Variants in HEATR1 observed in about 807,000 individuals in gnomAD.
HEATR1 encodes HEAT repeat containing 1.
In HEATR1, 77 loss-of-function variants were observed where a neutral mutation model predicts 248.2. The observed-to-expected ratio is 0.31, with a 90% confidence interval of 0.26 to 0.37. The LOEUF (loss-of-function observed/expected upper bound fraction) is 0.37. Ranked by LOEUF, HEATR1 falls within the 10% of genes least tolerant of loss-of-function variation. The probability of loss-of-function intolerance (pLI) is 1.00; values close to 1 mark genes in which losing one functional copy is unlikely to be tolerated. For missense variants in HEATR1, 2,420 were observed against 2,504.9 expected (o/e 0.97, Z 0.72); for synonymous variants, 897 against 923.1 (o/e 0.97, Z 0.51).
intron 7 of HEATR1, 35 bp downstream of exon 7, chr1:236,595,783 AATTTTATTCACCTCT>A: frequency 6.5e-7 from 1 of 1,533,436 alleles, no homozygotes; most frequent in African/African-American, 1.4e-5. Flanking sequence ...TATTCAAAAT[AATTTTATTCACCTCT>A]GACTAGCACC....
At chr1:236,579,876 C>G (rs679458) in intron 20 of HEATR1, among the ~76,000 whole-genome samples, 1 of 151,350 alleles carries the variant, frequency 6.6e-6, no homozygotes, top group African/African-American at 2.4e-5. Context: ...GAAAAGTATA[C>G]GATCATCTAA....
intron 43 of HEATR1, among the ~76,000 whole-genome samples, chr1:236,553,257 T>A (rs1201047168): frequency 6.6e-6 from 1 of 152,232 alleles, no homozygotes; most frequent in Non-Finnish European, 1.5e-5. Context: ...GACATTTCAA[T>A]GGCACTTAAA....
intron 8 of HEATR1, among the ~76,000 whole-genome samples, 200 bp downstream of exon 8, chr1:236,595,340 A>G (rs979722398): frequency 2.6e-5 from 4 of 152,204 alleles, no homozygotes; most frequent in African/African-American, 4.8e-5. Flanking sequence ...ATTCTAAGAA[A>G]TTACTCAATT....
At chr1:236,563,855 C>T (rs538265948) in intron 32 of HEATR1, among the ~76,000 whole-genome samples, 8 of 152,304 alleles carry the variant, frequency 5.3e-5, no homozygotes, top group Non-Finnish European at 1.0e-4. Context: ...TGGCTCATGC[C>T]TGTAATCCCA....
intron 44 of HEATR1, chr1:236,551,685 A>G: frequency 4.5e-6 from 1 of 224,086 alleles, no homozygotes. Flanking sequence ...TAAATGTATG[A>G]GGTTAATTAA....
chr1:236,585,703 C>G, intron 16 of HEATR1, 117 bp downstream of exon 16: 1 of 831,144 alleles, frequency 1.2e-6, no homozygotes, highest in Non-Finnish European at 1.9e-6. Context: ...AAAGTAAAAC[C>G]AAGTACTCAA....
At chr1:236,563,660 C>T (rs144673217) in intron 32 of HEATR1, among the ~76,000 whole-genome samples, 12 of 152,306 alleles carry the variant, frequency 7.9e-5, no homozygotes, top group Admixed American at 3.9e-4. Flanking sequence ...CATCTGTTAA[C>T]GCATTATAGG....
At chr1:236,583,714 T>A (rs1663814989) in intron 17 of HEATR1, among the ~76,000 whole-genome samples, 1 of 152,114 alleles carries the variant, frequency 6.6e-6, no homozygotes, top group Non-Finnish European at 1.5e-5. Context: ...CTCGAACTCC[T>A]GTCCTCAGAT....
intron 28 of HEATR1, 52 bp from the exon 29 acceptor site, chr1:236,569,176 AT>A (rs752795754): frequency 1.1e-4 from 162 of 1,446,146 alleles, no homozygotes; most frequent in Admixed American, 2.2e-4. Flanking sequence ...ATTTCTACTA[AT>A]TTTTTTTTCA....
In HEATR1 at chr1:236,550,747, A is replaced by G; in HGVS notation, c.*155T>C. On this transcript the variant is annotated 3_prime_UTR_variant, in exon 45 of 45. Transcript: ENST00000366582. The stretch of plus-strand genomic sequence containing the variant: ...AGAGGCTTATGTGGCAGCACAAGCC[A>G]GGTGGGGATTTTGTAAAGAAGTGAT... The G allele has an allele frequency of 1.7e-6, 1 of 586,294 alleles. No homozygotes were observed. Among genetic ancestry groups the G allele is most frequent in the Non-Finnish European group, 3.0e-6 (1 of 337,656 alleles). 36.3% of individuals were successfully genotyped at this position (586,294 alleles called of 1,614,324 possible).
At chr1:236,554,510 G>A in intron 42 of HEATR1, 88 bp downstream of exon 42, 2 of 1,170,744 alleles carry the variant, frequency 1.7e-6, no homozygotes, top group South Asian at 2.9e-5. Context: ...AAAAATCCTA[G>A]CAAGCTGTCA....
chr1:236,603,525 G>C (rs532497784), intron 2 of HEATR1, 149 bp from the exon 3 acceptor site: 6 of 628,028 alleles, frequency 9.6e-6, no homozygotes, highest in East Asian at 5.7e-5. Flanking sequence ...CTGATTTCTA[G>C]TTTTCAACTT....
intron 9 of HEATR1, among the ~76,000 whole-genome samples, chr1:236,593,656 A>C (rs1664101994): frequency 6.6e-6 from 1 of 151,466 alleles, no homozygotes; most frequent in Admixed American, 6.6e-5. Flanking sequence ...CTTACCTTCA[A>C]TATTGTTTCT....
In HEATR1 at chr1:236,553,840, T is replaced by C. The variant is rs1157768301; in HGVS notation, c.6079-101A>G. The C allele has an allele frequency of 2.3e-6, 3 of 1,284,048 alleles. No homozygotes were observed. In the African/African-American group the frequency reaches 4.5e-5, roughly 19 times the overall value. The allele number at this position is 1,284,048 out of a possible 1,614,324, so 79.5% of individuals were successfully genotyped here. ...AAATATTTTACTATCTTTCATGATA[T>C]TAGCAGGTTCAAAAACCAGGCATTA... On this transcript the variant is annotated intron_variant, in intron 42 of 44. Coordinates refer to ENST00000366582, the MANE Select transcript of HEATR1 (RefSeq NM_018072.6).
chr1:236,585,219 T>C lies in HEATR1; in HGVS notation c.2050-3A>G. ...CCCACGCTTATTAAATCCTCCACCTTGAAAAATAAACACACTCTATTACCA... is the reference window on the plus strand; with the variant it reads ...CCCACGCTTATTAAATCCTCCACCTCGAAAAATAAACACACTCTATTACCA... On this transcript the variant is annotated splice_polypyrimidine_tract_variant and splice_region_variant and intron_variant, in intron 16 of 44. Coordinates refer to ENST00000366582, the MANE Select transcript of HEATR1 (RefSeq NM_018072.6). 1.2e-6 allele frequency: 2 copies of C among 1,601,128 alleles called. No homozygotes were observed. The highest frequency in any genetic ancestry group is 2.2e-5 in the East Asian group (1 of 44,788).
In HEATR1 at chr1:236,554,729, T is replaced by C. The variant is rs747239592; in HGVS notation, c.5947A>G (p.Asn1983Asp). 6.2e-7 allele frequency: 1 copy of C among 1,610,960 alleles called. No homozygotes were observed. Among genetic ancestry groups the C allele is most frequent in the Non-Finnish European group, 8.5e-7 (1 of 1,179,214 alleles). Reference sequence around the variant, plus strand: ...AGCAAGCAGCACTTTTCAGGGTCATTTTCAGAGTCAAAAAATGCTTCATCT... The same window carrying C: ...AGCAAGCAGCACTTTTCAGGGTCATCTTCAGAGTCAAAAAATGCTTCATCT... ...KTDEAFFDSE[N>D]DPEKCCLLLQ... Residue 1983 changes from asparagine to aspartate, a missense_variant, in exon 42 of 45, where the codon AAT (asparagine) becomes GAT (aspartate). By Grantham distance (23) the Asn-to-Asp change is conservative. Transcript: ENST00000366582.
Position 236,556,211 on chromosome 1 carries a change from C to A in HEATR1, c.5403G>T (p.Gln1801His). Residue 1801 changes from glutamine (Q) to histidine (H), a missense_variant, in exon 38 of 45, where the codon CAG becomes CAT. By Grantham distance (24) the Gln-to-His change is conservative. Transcript: ENST00000366582. The part of the protein sequence containing the change: ...KITSEMGSAS[Q>H]ANIRLTSLKK... The stretch of plus-strand genomic sequence containing the variant: ...TAAGAGATGTGAGACGGATATTAGC[C>A]TGTGACGCAGAACCCATTTCACTAG... 6.2e-7 allele frequency: 1 copy of A among 1,614,044 alleles called. No homozygotes were observed. Among genetic ancestry groups the A allele is most frequent in the Middle Eastern group, 1.6e-4 (1 of 6,062 alleles).
At chr1:236,585,743 C>T (rs990538192) in intron 16 of HEATR1, 77 bp downstream of exon 16, 4 of 1,474,150 alleles carry the variant, frequency 2.7e-6, no homozygotes, top group Admixed American at 4.5e-5. Flanking sequence ...TAAGAAAAAT[C>T]TAGTAAAGCA....
In HEATR1 at chr1:236,576,847, T is replaced by TA; in HGVS notation, c.2857dup (p.Tyr953LeufsTer10). The TA allele has an allele frequency of 6.2e-7, 1 of 1,614,032 alleles. No individual in the cohort carries two copies. Among genetic ancestry groups the TA allele is most frequent in the Non-Finnish European group, 8.5e-7 (1 of 1,179,962 alleles). ...AGAAATCAAATGATCTATTATCAGA[T>TA]AAAACGGGGATGCCACTCCACTGAG... On this transcript the variant is annotated frameshift_variant, in exon 21 of 45. Coordinates refer to ENST00000366582, the MANE Select transcript of HEATR1 (RefSeq NM_018072.6). LOFTEE classifies it high-confidence loss of function.
Sources: gnomAD v4.1 joint callset for allele counts (sites outside exome capture counted in the v4.1 genomes callset) on GRCh38, gnomAD v4.1.1 for gene constraint, MANE v1.5 for transcripts, NCBI Gene and HGNC (gene_info 2026-07-23, HGNC 2026-07-21) for gene names.